PARP8: variants seen among roughly 807,000 people sequenced by gnomAD.
PARP8 encodes the protein protein mono-ADP-ribosyltransferase PARP8.
PARP8 carries 51 observed loss-of-function variants against 124.1 expected under a neutral mutation model. The ratio of observed to expected loss-of-function variants is 0.41; its 90% CI spans 0.33 to 0.52. The LOEUF is 0.52. Among genes scored for constraint, PARP8 ranks in the 20% least tolerant of loss-of-function variants. PARP8 has a pLI of 0.21. For synonymous variants in PARP8, 391 were observed against 361.5 expected (o/e 1.08, Z -0.93); for missense variants, 860 against 1,018.9 (o/e 0.84, Z 2.12).
chr5:50,695,823 T>C (rs1752966894), intron 2 of PARP8, among the ~76,000 whole-genome samples: 2 of 152,166 alleles, frequency 1.3e-5, no homozygotes, highest in South Asian at 4.1e-4. Flanking sequence ...TTTTGTGATT[T>C]AGAGCTGCTA....
rs1748340661 is a variant in PARP8, at chr5:50,843,117, A to G, written c.*1049A>G. On this transcript the variant is annotated 3_prime_UTR_variant, in exon 26 of 26. Transcript: ENST00000281631. Reference sequence around the variant, plus strand: ...AACACAAACTTGATGCTTCTTTTATATTAAAAGACCACAAATAAGTTTATA... The same window carrying G: ...AACACAAACTTGATGCTTCTTTTATGTTAAAAGACCACAAATAAGTTTATA... 1 of 151,484 alleles carries G rather than the reference A, an allele frequency of 6.6e-6. No homozygotes were observed. Among genetic ancestry groups the G allele is most frequent in the South Asian group, 2.1e-4 (1 of 4,820 alleles). The allele number at this position is 151,484 out of a possible 1,614,324, so 9.4% of individuals were successfully genotyped here.
At chr5:50,802,587 G>A (rs1240165652) in intron 14 of PARP8, among the ~76,000 whole-genome samples, 1 of 152,086 alleles carries the variant, frequency 6.6e-6, no homozygotes, top group African/African-American at 2.4e-5. Context: ...GAAGTACTGA[G>A]ATTATAGGCA....
At chr5:50,793,655 C>T (rs1246146147) in intron 10 of PARP8, among the ~76,000 whole-genome samples, 3 of 152,172 alleles carry the variant, frequency 2.0e-5, no homozygotes, top group Non-Finnish European at 4.4e-5. Context: ...CCACATATTT[C>T]TACGTAGAGC....
intron 23 of PARP8, chr5:50,833,543 G>A: frequency 3.1e-6 from 1 of 327,286 alleles, no homozygotes. Flanking sequence ...TTTTCTACAT[G>A]AAATGTTTCT....
chr5:50,786,566 CTA>C (rs1200286090), intron 9 of PARP8, among the ~76,000 whole-genome samples: 1 of 150,980 alleles, frequency 6.6e-6, no homozygotes. Context: ...TGGAGTCTCT[CTA>C]TGTTTCCAAG....
chr5:50,826,607 C>T, intron 18 of PARP8, 148 bp from the exon 19 acceptor site: 8 of 1,025,932 alleles, frequency 7.8e-6, no homozygotes, highest in Non-Finnish European at 1.1e-5. Context: ...TTTCAGGAAA[C>T]AAACCTAAAT....
At chr5:50,794,758 T>C in intron 11 of PARP8, 95 bp from the exon 12 acceptor site, 4 of 1,120,194 alleles carry the variant, frequency 3.6e-6, no homozygotes, top group Non-Finnish European at 3.8e-6. Context: ...TGGTAGAATA[T>C]TTATTAGCAC....
At chr5:50,821,056 G>T (rs1242911254) in intron 15 of PARP8, among the ~76,000 whole-genome samples, 157 bp from the exon 16 acceptor site, 1 of 152,168 alleles carries the variant, frequency 6.6e-6, no homozygotes, top group Non-Finnish European at 1.5e-5. Context: ...GGTAAAGTTT[G>T]GTCAAATGTG....
At chr5:50,817,781 A>C (rs2149694370) in intron 15 of PARP8, among the ~76,000 whole-genome samples, 1 of 152,270 alleles carries the variant, frequency 6.6e-6, no homozygotes, top group East Asian at 1.9e-4. Flanking sequence ...TCTTAGTCAC[A>C]TGGACTTCCA....
chr5:50,689,384 C>T lies in PARP8; in HGVS notation c.146+21259C>T, dbSNP rs1377160377. Among the ~76,000 whole-genome samples, 10 of 152,272 alleles carry T rather than the reference C, an allele frequency of 6.6e-5. No individual in the cohort carries two copies. In the East Asian group the frequency reaches 1.7e-3, roughly 26 times the overall value. On this transcript the variant is annotated intron_variant, in intron 2 of 25. Coordinates refer to ENST00000281631, the MANE Select transcript of PARP8 (RefSeq NM_024615.4). ...TATTTCTTATTCTTATTCTCTGTAT[C>T]CATCTTCAGCTGGTTGAGGCCTCTG...
chr5:50,769,110 TA>T (rs1378888117), intron 7 of PARP8, among the ~76,000 whole-genome samples: 1 of 152,168 alleles, frequency 6.6e-6, no homozygotes, highest in African/African-American at 2.4e-5. Flanking sequence ...AAGATACTTT[TA>T]ACCAAAAGGT....
intron 2 of PARP8, among the ~76,000 whole-genome samples, chr5:50,734,599 G>A (rs1163923842): frequency 6.6e-6 from 1 of 152,010 alleles, no homozygotes; most frequent in East Asian, 1.9e-4. Context: ...TGTCTTTAGA[G>A]CTATATAATT....
At position 50,832,861 on chromosome 5, in the gene PARP8, T is replaced by C. The variant is rs747398750; in HGVS notation, c.2307+7T>C. On this transcript the variant is annotated splice_region_variant and intron_variant, in intron 23 of 25. Transcript: ENST00000281631. ...AAGCAGCAATACATCACAGGTGTTG[T>C]AGTGACTTTAGTGACTGCTTATGAT... 2 of 1,610,356 alleles carry C rather than the reference T, an allele frequency of 1.2e-6. No homozygotes were observed. Among genetic ancestry groups the C allele is most frequent in the Non-Finnish European group, 1.7e-6 (2 of 1,176,864 alleles).
chr5:50,795,477 T>G (rs1580368117), intron 12 of PARP8, 60 bp downstream of exon 12: 1 of 1,403,082 alleles, frequency 7.1e-7, no homozygotes, highest in East Asian at 2.4e-5. Flanking sequence ...TAGAATTTTT[T>G]TTTTCTTATA....
intron 14 of PARP8, among the ~76,000 whole-genome samples, chr5:50,803,075 G>A (rs1363918816): frequency 1.3e-5 from 2 of 152,126 alleles, no homozygotes; most frequent in African/African-American, 4.8e-5. Context: ...GTTATGCTGG[G>A]TATAGAATTC....
intron 2 of PARP8, among the ~76,000 whole-genome samples, chr5:50,685,185 T>A (rs1394753307): frequency 2.6e-5 from 4 of 152,190 alleles, no homozygotes; most frequent in Admixed American, 2.6e-4. Flanking sequence ...TTGTATGTCT[T>A]GACATTCCCA....
intron 2 of PARP8, among the ~76,000 whole-genome samples, chr5:50,724,391 C>T (rs1361435743): frequency 6.6e-6 from 1 of 151,810 alleles, no homozygotes; most frequent in Non-Finnish European, 1.5e-5. Flanking sequence ...TTTTAAGTGA[C>T]ACAGTGTATG....
rs746825370 is a variant in PARP8, at chr5:50,668,135, T to G, written c.146+10T>G. 6.3e-7 allele frequency: 1 copy of G among 1,586,022 alleles called. No individual in the cohort carries two copies. The highest frequency in any genetic ancestry group is 1.1e-5 in the South Asian group (1 of 90,448). ...TTGGCGGCCCCAGAAGGTATTTATG[T>G]GTATAGAGTTGCTTCATTTCCTGTT... On this transcript the variant is annotated intron_variant, in intron 2 of 25. Transcript: ENST00000281631.
At chr5:50,728,728 C>A (rs1756679094) in intron 2 of PARP8, among the ~76,000 whole-genome samples, 1 of 151,910 alleles carries the variant, frequency 6.6e-6, no homozygotes, top group Non-Finnish European at 1.5e-5. Flanking sequence ...ATTTTAATAT[C>A]AAGGAAGTTA....
Sources: allele counts gnomAD v4.1 joint callset (sites outside exome capture counted in the v4.1 genomes callset), GRCh38; gene constraint gnomAD v4.1.1; transcripts MANE v1.5; gene names NCBI Gene and HGNC (gene_info 2026-07-23, HGNC 2026-07-21).